CLYBL: variants seen among roughly 807,000 people sequenced by gnomAD.
CLYBL encodes citramalyl-CoA lyase, mitochondrial.
In CLYBL, 31 loss-of-function variants were observed where a neutral mutation model predicts 38.9. That is an observed-to-expected ratio of 0.80 (90% CI 0.60 to 1.08). The LOEUF (loss-of-function observed/expected upper bound fraction) is 1.08. CLYBL is among the 50% of genes least tolerant of loss of function. CLYBL has a pLI of 0.00. For missense variants in CLYBL, 434 were observed against 411.6 expected, an observed-to-expected ratio of 1.05 and a Z score of -0.47; for synonymous variants, 171 against 158.6, an observed-to-expected ratio of 1.08 and a Z score of -0.59.
intron 1 of CLYBL, among the ~76,000 whole-genome samples, chr13:99,614,826 C>T (rs553378810): frequency 6.6e-6 from 1 of 152,144 alleles, no homozygotes; most frequent in Non-Finnish European, 1.5e-5. Context: ...ATCCCTCCCT[C>T]CCTCTCTCTG....
intron 1 of CLYBL, among the ~76,000 whole-genome samples, chr13:99,723,091 A>G (rs940238860): frequency 2.0e-5 from 3 of 152,268 alleles, no homozygotes; most frequent in South Asian, 2.1e-4. Flanking sequence ...GACAGGGTCA[A>G]TAACTGCTTT....
At chr13:99,885,947 G>C (rs559501670) in intron 7 of CLYBL, among the ~76,000 whole-genome samples, 3 of 152,272 alleles carry the variant, frequency 2.0e-5, no homozygotes, top group South Asian at 2.1e-4. Flanking sequence ...CCAGGATCTC[G>C]AGGAGAAATT....
intron 1 of CLYBL, among the ~76,000 whole-genome samples, chr13:99,746,008 G>T (rs1413630898): frequency 6.9e-6 from 1 of 145,830 alleles, no homozygotes; most frequent in Non-Finnish European, 1.5e-5. Flanking sequence ...ATTAACCCAG[G>T]TCATTTTCAT....
chr13:99,638,443 A>G (rs992149918), intron 1 of CLYBL, among the ~76,000 whole-genome samples: 2 of 152,222 alleles, frequency 1.3e-5, no homozygotes, highest in African/African-American at 4.8e-5. Flanking sequence ...TGTGTGCCTT[A>G]TGCATTTTAC....
intron 1 of CLYBL, among the ~76,000 whole-genome samples, chr13:99,713,250 T>A (rs531996960): frequency 4.6e-5 from 7 of 152,216 alleles, no homozygotes; most frequent in Admixed American, 1.3e-4. Flanking sequence ...TCATTTTTGT[T>A]AATTATGTAG....
chr13:99,771,415 A>G (rs1031222488), intron 1 of CLYBL, among the ~76,000 whole-genome samples: 1 of 152,184 alleles, frequency 6.6e-6, no homozygotes, highest in Non-Finnish European at 1.5e-5. Context: ...CTTCATGGAC[A>G]TGTAATTTGT....
intron 1 of CLYBL, among the ~76,000 whole-genome samples, chr13:99,757,750 C>T (rs937587089): frequency 4.6e-5 from 7 of 152,178 alleles, no homozygotes; most frequent in Admixed American, 2.0e-4. Flanking sequence ...TGAACCACTG[C>T]GCCTGGCCAC....
At chr13:99,838,453 G>A (rs564551185) in intron 2 of CLYBL, among the ~76,000 whole-genome samples, 1 of 152,202 alleles carries the variant, frequency 6.6e-6, no homozygotes, top group African/African-American at 2.4e-5. Flanking sequence ...CTGAGGCCCC[G>A]ATGCCTACAA....
intron 1 of CLYBL, among the ~76,000 whole-genome samples, chr13:99,763,743 C>T (rs1306273108): frequency 2.0e-5 from 3 of 151,712 alleles, no homozygotes; most frequent in African/African-American, 4.8e-5. Context: ...TCAGTAGAGA[C>T]GGAGTTTCAT....
chr13:99,749,252 T>G (rs1458173521), intron 1 of CLYBL, among the ~76,000 whole-genome samples: 1 of 151,954 alleles, frequency 6.6e-6, no homozygotes, highest in African/African-American at 2.4e-5. Flanking sequence ...CCCTCGCCCC[T>G]GGTGTCCCGA....
intron 1 of CLYBL, among the ~76,000 whole-genome samples, chr13:99,640,386 T>C (rs976790520): frequency 1.3e-5 from 2 of 152,262 alleles, no homozygotes; most frequent in Non-Finnish European, 2.9e-5. Flanking sequence ...TGAGGGTGTT[T>C]ATTGTTGTAT....
chr13:99,639,685 G>A (rs938117320), intron 1 of CLYBL, among the ~76,000 whole-genome samples: 1 of 152,158 alleles, frequency 6.6e-6, no homozygotes, highest in Non-Finnish European at 1.5e-5. Flanking sequence ...TTGAGGCCAG[G>A]AGTTTGAAAC....
intron 2 of CLYBL, 59 bp from the exon 3 acceptor site, chr13:99,858,802 T>G: frequency 1.6e-6 from 2 of 1,236,754 alleles, no homozygotes; most frequent in Non-Finnish European, 2.3e-6. Flanking sequence ...CATCAACCAT[T>G]TGATGGTGCT....
intron 1 of CLYBL, among the ~76,000 whole-genome samples, chr13:99,705,238 C>T (rs1393564304): frequency 2.0e-5 from 3 of 150,710 alleles, no homozygotes; most frequent in Non-Finnish European, 4.4e-5. Context: ...ATGTGGTGTA[C>T]ACATGCACAC....
At chr13:99,847,153 G>C (rs928124933) in intron 2 of CLYBL, among the ~76,000 whole-genome samples, 1 of 152,142 alleles carries the variant, frequency 6.6e-6, no homozygotes, top group Non-Finnish European at 1.5e-5. Flanking sequence ...GTTATCTGAT[G>C]TGTATCTGGA....
chr13:99,727,681 C>T (rs558367634), intron 1 of CLYBL, among the ~76,000 whole-genome samples: 4 of 151,982 alleles, frequency 2.6e-5, no homozygotes, highest in South Asian at 2.1e-4. Flanking sequence ...TTATTTCTCC[C>T]GTGGCCAGTA....
intron 2 of CLYBL, among the ~76,000 whole-genome samples, chr13:99,805,436 A>G (rs1413639547): frequency 6.6e-6 from 1 of 152,092 alleles, no homozygotes; most frequent in Non-Finnish European, 1.5e-5. Flanking sequence ...TCCAGAGCCT[A>G]CTGAGCCCTG....
At chr13:99,746,727 C>G (rs1198514612) in intron 1 of CLYBL, among the ~76,000 whole-genome samples, 2 of 152,172 alleles carry the variant, frequency 1.3e-5, no homozygotes, top group Non-Finnish European at 2.9e-5. Flanking sequence ...TTACAATTTA[C>G]CAAATCCTCC....
At chr13:99,750,313 C>G (rs1321939206) in intron 1 of CLYBL, among the ~76,000 whole-genome samples, 1 of 152,134 alleles carries the variant, frequency 6.6e-6, no homozygotes, top group Non-Finnish European at 1.5e-5. Flanking sequence ...TATTTTCAAC[C>G]TTTATCAGCC....
Sources: gnomAD v4.1 joint callset for allele counts (sites outside exome capture counted in the v4.1 genomes callset) on GRCh38, gnomAD v4.1.1 for gene constraint, MANE v1.5 for transcripts, NCBI Gene and HGNC (gene_info 2026-07-23, HGNC 2026-07-21) for gene names.